Variants in UBTF observed in about 807,000 individuals in gnomAD.
The protein encoded by UBTF is upstream binding transcription factor.
Under a neutral mutation model 112.3 loss-of-function variants are expected in UBTF, and 8 were observed. The ratio of observed to expected loss-of-function variants is 0.07; its 90% CI spans 0.04 to 0.13. The LOEUF is 0.13. Among genes scored for constraint, UBTF ranks in the 10% least tolerant of loss-of-function variants. UBTF has a pLI of 1.00. For missense variants in UBTF, 457 were observed against 982.1 expected (o/e 0.47, Z 7.15); for synonymous variants, 417 against 373.1 (o/e 1.12, Z -1.36).
At chr17:44,220,173 G>T (rs2047112099), upstream of UBTF, among the ~76,000 whole-genome samples, 4 of 151,736 alleles carry the variant, frequency 2.6e-5, no homozygotes, top group Admixed American at 2.6e-4. Context: ...CGCCGAGAGC[G>T]ACCTCGCCAG....
chr17:44,216,631 G>A lies in UBTF; in HGVS notation c.132C>T (p.Ser44=). The A allele has an allele frequency of 6.2e-7, 1 of 1,613,906 alleles. No individual in the cohort carries two copies. The highest frequency in any genetic ancestry group is 8.5e-7 in the Non-Finnish European group (1 of 1,179,940). ...MKNNLPSNDS[S]KFKTTESHMD... ...TGTGTGATTCGGTGGTTTTGAACTT[G>A]GAGCTGTCATTGGATGGAAGGTTGT... is the stretch of plus-strand genomic sequence containing the variant. The change falls in exon 3 of 21, where the codon TCC becomes TCT. Residue 44 remains serine (S), a synonymous_variant. Transcript: ENST00000436088.
Position 44,210,398 on chromosome 17 carries a change from C to A in UBTF, c.1435G>T (p.Gly479Cys). ...RKPGGEREER[G>C]KLPESPKRAE... ...CTTTTGGGGGACTCGGGCAGCTTGC[C>A]CCGTTCCTCGCGCTCCCCGCCGGGC... The change falls in exon 14 of 21, where the codon GGC becomes TGC. Residue 479 changes from glycine to cysteine, a missense_variant. Transcript: ENST00000436088. The A allele has an allele frequency of 6.2e-7, 1 of 1,614,182 alleles. No individual in the cohort carries two copies. The highest frequency in any genetic ancestry group is 2.2e-5 in the East Asian group (1 of 44,882).
In UBTF at chr17:44,210,861, A is replaced by G. The variant is rs1396751254; in HGVS notation, c.1290T>C (p.Pro430=). Residue 430 remains proline, a synonymous_variant, in exon 13 of 21, where the codon CCT becomes CCC. Coordinates refer to ENST00000436088, the MANE Select transcript of UBTF (RefSeq NM_014233.4). ...GGGTCAGCTCGCTCTCGGAGAGCTC[A>G]GGCCGCTCCTCCTGCAGCTGCCGCC... The part of the protein sequence containing the change: ...EKRRQLQEER[P]ELSESELTRL... 1.9e-6 allele frequency: 3 copies of G among 1,577,930 alleles called. No individual in the cohort carries two copies. The highest frequency in any genetic ancestry group is 2.6e-6 in the Non-Finnish European group (3 of 1,161,978).
At position 44,205,713 on chromosome 17, in the gene UBTF, A is replaced by AG. The variant is rs1235014687; in HGVS notation, c.*1528dup. ...CCCCCATTCCTTGGCTTTCATTCAG[A>AG]GGGGGAAGGTGGAAAAGCACCAAGC... On this transcript the variant is annotated 3_prime_UTR_variant, in exon 21 of 21. Coordinates refer to ENST00000436088, the MANE Select transcript of UBTF (RefSeq NM_014233.4). 1 of 152,226 alleles carries AG rather than the reference A, an allele frequency of 6.6e-6. No homozygotes were observed. Among genetic ancestry groups the AG allele is most frequent in the Non-Finnish European group, 1.5e-5 (1 of 68,048 alleles). 9.4% of individuals were successfully genotyped at this position (152,226 alleles called of 1,614,324 possible).
chr17:44,209,568 G>A (rs764490042), intron 16 of UBTF, 27 bp from the exon 17 acceptor site: 6 of 1,613,108 alleles, frequency 3.7e-6, no homozygotes, highest in Middle Eastern at 1.7e-4. Flanking sequence ...TAGAAGGAGG[G>A]TCAGGACCCC....
chr17:44,213,762 T>C (rs967347508), intron 5 of UBTF, among the ~76,000 whole-genome samples: 23 of 152,262 alleles, frequency 1.5e-4, no homozygotes, highest in African/African-American at 5.1e-4. Context: ...GAGTCCTGTT[T>C]CCAAGGCATG....
At chr17:44,216,051 T>G (rs1471445938) in intron 3 of UBTF, 62 bp from the exon 4 acceptor site, 1 of 1,309,672 alleles carries the variant, frequency 7.6e-7, no homozygotes, top group Non-Finnish European at 1.1e-6. Flanking sequence ...CACAGTAGTA[T>G]ACCCCCATCT....
intron 7 of UBTF, 65 bp from the exon 8 acceptor site, chr17:44,212,519 A>C: frequency 1.1e-5 from 3 of 281,682 alleles, no homozygotes; most frequent in Non-Finnish European, 1.4e-5. Context: ...GGAAGGGGGA[A>C]GGGGGCACAG....
upstream of UBTF, chr17:44,220,962 C>T (rs1246802815): frequency 1.3e-5 from 2 of 149,366 alleles, no homozygotes; most frequent in Non-Finnish European, 3.0e-5. Flanking sequence ...AGCGCCGCTC[C>T]GAGCGCTTGC....
chr17:44,207,495 A>G lies in UBTF; in HGVS notation c.2128T>C (p.Ser710Pro). 1 of 1,613,734 alleles carries G rather than the reference A, an allele frequency of 6.2e-7. No homozygotes were observed. The highest frequency in any genetic ancestry group is 8.5e-7 in the Non-Finnish European group (1 of 1,179,920). ...GDSSEDGGDS[S>P]ESSSEDESED... ...CTCTCGTCCTCGCTGCTGGACTCAGAGGAGTCGCCGCCATCTTCAGAGGAG... is the reference window on the plus strand; with the variant it reads ...CTCTCGTCCTCGCTGCTGGACTCAGGGGAGTCGCCGCCATCTTCAGAGGAG... Residue 710 changes from serine to proline, a missense_variant, in exon 20 of 21, where the codon TCT becomes CCT. Physicochemically the swap from Ser to Pro is moderately conservative, Grantham distance 74. This residue lies in a region of UBTF where 139 missense variants were observed against 157.5 expected (regional missense o/e 0.88). Coordinates refer to ENST00000436088, the MANE Select transcript of UBTF (RefSeq NM_014233.4).
rs2046811413 is a variant in UBTF at position 44,215,646 on chromosome 17, C to T, written c.474+8G>A. 6 of 1,613,342 alleles carry T rather than the reference C, an allele frequency of 3.7e-6. No homozygotes were observed. Among genetic ancestry groups the T allele is most frequent in the Non-Finnish European group, 4.2e-6 (5 of 1,179,826 alleles). ...CCCCTCCTCCCACCTTAACTCTCCT[C>T]CCCCCACCTTCTTCTTCTCCGGAAG... On this transcript the variant is annotated splice_region_variant and intron_variant, in intron 5 of 20. Coordinates refer to ENST00000436088, the MANE Select transcript of UBTF (RefSeq NM_014233.4).
chr17:44,216,063 A>G, intron 3 of UBTF, 74 bp from the exon 4 acceptor site: 1 of 1,199,280 alleles, frequency 8.3e-7, no homozygotes, highest in Non-Finnish European at 1.2e-6. Context: ...CCCCCATCTT[A>G]TAACGGGTCT....
rs531749584 is a variant in UBTF, at chr17:44,212,797, C to T, written c.660+22G>A. The T allele has an allele frequency of 4.5e-5, 72 of 1,613,214 alleles. No individual in the cohort carries two copies. The East Asian group carries it at 1.5e-3, about 33-fold the overall frequency. Reference sequence around the variant, plus strand: ...GCCACCGCCGTGCATCCTCCACCCCCAACCCTTGGCCGGACACTCACATCT... The same window carrying T: ...GCCACCGCCGTGCATCCTCCACCCCTAACCCTTGGCCGGACACTCACATCT... On this transcript the variant is annotated intron_variant, in intron 7 of 20. Transcript: ENST00000436088.
chr17:44,212,583 A>T, intron 7 of UBTF, 129 bp from the exon 8 acceptor site: 1 of 1,017,342 alleles, frequency 9.8e-7, no homozygotes, highest in South Asian at 1.5e-5. Flanking sequence ...CCCACAGGCC[A>T]GGAGGGGAAG....
upstream of UBTF, among the ~76,000 whole-genome samples, chr17:44,219,915 C>T (rs1333745494): frequency 6.6e-6 from 1 of 151,160 alleles, no homozygotes; most frequent in Non-Finnish European, 1.5e-5. Context: ...GGCTCCGCTC[C>T]CTCCCACAGC....
chr17:44,210,615 GTCTGCGGCGC>G, intron 13 of UBTF, 142 bp from the exon 14 acceptor site: 4 of 1,385,972 alleles, frequency 2.9e-6, no homozygotes, highest in Non-Finnish European at 3.8e-6. Flanking sequence ...CCCCCGCCTG[GTCTGCGGCGC>G]TCAGCTGACA....
Position 44,206,844 on chromosome 17 carries a change from C to G in UBTF, c.*398G>C, listed in dbSNP as rs989464660. 2 of 272,680 alleles carry G rather than the reference C, an allele frequency of 7.3e-6. No individual in the cohort carries two copies. Among genetic ancestry groups the G allele is most frequent in the African/African-American group, 4.4e-5 (2 of 45,494 alleles). The allele number at this position is 272,680 out of a possible 1,614,324, so 16.9% of individuals were successfully genotyped here. The stretch of plus-strand genomic sequence containing the variant: ...CCCTCTGGGAAGGAATGGGTCTTCC[C>G]CAAGCTTCCACCCCACCTTGGATTG... On this transcript the variant is annotated 3_prime_UTR_variant, in exon 21 of 21. Coordinates refer to ENST00000436088, the MANE Select transcript of UBTF (RefSeq NM_014233.4).
At chr17:44,218,757 TC>T (rs2144558915) in intron 1 of UBTF, among the ~76,000 whole-genome samples, 1 of 149,656 alleles carries the variant, frequency 6.7e-6, no homozygotes, top group African/African-American at 2.5e-5. Flanking sequence ...CCCGGCCGGT[TC>T]CCCCCGCCTC....
intron 19 of UBTF, 21 bp downstream of exon 19, chr17:44,207,678 C>T (rs1362283445): frequency 6.2e-7 from 1 of 1,613,964 alleles, no homozygotes; most frequent in African/African-American, 1.3e-5. Flanking sequence ...CACGCCCCTG[C>T]ATCTGGGAGG....
Sources: allele counts gnomAD v4.1 joint callset (sites outside exome capture counted in the v4.1 genomes callset), GRCh38; gene constraint gnomAD v4.1.1; regional missense constraint gnomAD v4.1.1; transcripts MANE v1.5; gene names NCBI Gene and HGNC (gene_info 2026-07-23, HGNC 2026-07-21).